Variants in BCL2 observed in about 807,000 individuals in gnomAD.
BCL2 encodes BCL2 apoptosis regulator.
A neutral mutation model predicts 14.2 loss-of-function variants in BCL2; 1 was observed. That is an observed-to-expected ratio of 0.07 (90% CI 0.02 to 0.33). The LOEUF (loss-of-function observed/expected upper bound fraction) is 0.33. BCL2 is among the 10% of genes least tolerant of loss of function. BCL2 has a pLI of 0.99. For synonymous variants in BCL2, 151 were observed against 137.2 expected, an observed-to-expected ratio of 1.10 and a Z score of -0.70; for missense variants, 247 against 305.9, an observed-to-expected ratio of 0.81 and a Z score of 1.44.
chr18:63,187,964 G>C (rs1391742604), intron 2 of BCL2, among the ~76,000 whole-genome samples: 1 of 152,140 alleles, frequency 6.6e-6, no homozygotes, highest in Non-Finnish European at 1.5e-5. Flanking sequence ...TGCTCCATTT[G>C]GCCCCTGCTC....
At chr18:63,238,656 T>G (rs957415685) in intron 2 of BCL2, among the ~76,000 whole-genome samples, 6 of 152,216 alleles carry the variant, frequency 3.9e-5, no homozygotes, top group African/African-American at 1.4e-4. Context: ...TGGTGGGGCC[T>G]GAAGGAGTGT....
Position 63,187,798 on chromosome 18 carries a change from T to C in BCL2, c.586-59039A>G, listed in dbSNP as rs78662691. On this transcript the variant is annotated intron_variant, in intron 2 of 2. Transcript: ENST00000333681. ...AAAACCAGGCCAGGCTTAGAATTAG[T>C]TCGACTAATACAGATTACGTTACTT... is the stretch of plus-strand genomic sequence containing the variant. Among the ~76,000 whole-genome samples, 287 of 152,350 alleles carry C rather than the reference T, an allele frequency of 1.9e-3. 8 individuals are homozygous for C. In the East Asian group the frequency reaches 0.051, roughly 27 times the overall value.
intron 2 of BCL2, among the ~76,000 whole-genome samples, chr18:63,279,413 T>A (rs1912246858): frequency 6.6e-6 from 1 of 152,174 alleles, no homozygotes; most frequent in African/African-American, 2.4e-5. Context: ...AAAATAAGCA[T>A]ATGAAAAGAT....
chr18:63,296,064 C>G (rs910706707), intron 2 of BCL2, among the ~76,000 whole-genome samples: 4 of 152,170 alleles, frequency 2.6e-5, no homozygotes, highest in Non-Finnish European at 5.9e-5. Context: ...GCTTTGATTA[C>G]TGTGTTTTAT....
At chr18:63,202,722 G>C (rs937714750) in intron 2 of BCL2, among the ~76,000 whole-genome samples, 2 of 152,122 alleles carry the variant, frequency 1.3e-5, no homozygotes, top group African/African-American at 4.8e-5. Flanking sequence ...GATGTTTAGA[G>C]GTTCTTAGAC....
intron 2 of BCL2, among the ~76,000 whole-genome samples, chr18:63,262,117 A>T (rs183340381): frequency 1.3e-5 from 2 of 152,088 alleles, no homozygotes; most frequent in Non-Finnish European, 2.9e-5. Context: ...GGGTTTCACC[A>T]TGTTGTCCAG....
chr18:63,172,769 A>G (rs1256844448), intron 2 of BCL2, among the ~76,000 whole-genome samples: 1 of 152,230 alleles, frequency 6.6e-6, no homozygotes, highest in Admixed American at 6.5e-5. Flanking sequence ...CGACAGAGGA[A>G]GACTGTGTCT....
At chr18:63,302,247 G>A (rs1185610891) in intron 2 of BCL2, 13 of 753,078 alleles carry the variant, frequency 1.7e-5, no homozygotes, top group Non-Finnish European at 1.9e-5. Flanking sequence ...GTTGCAGTGA[G>A]CCGGGACTGC....
At chr18:63,197,108 A>G (rs1287777682) in intron 2 of BCL2, among the ~76,000 whole-genome samples, 2 of 152,250 alleles carry the variant, frequency 1.3e-5, no homozygotes, top group East Asian at 3.8e-4. Context: ...TTTTCCCGAA[A>G]TAGGTAAGAA....
At chr18:63,188,990 T>C (rs955904166) in intron 2 of BCL2, among the ~76,000 whole-genome samples, 3 of 102,016 alleles carry the variant, frequency 2.9e-5, no homozygotes, top group African/African-American at 8.4e-5. Context: ...CATTTCTTTT[T>C]TTCCCCAAGT....
chr18:63,236,045 A>G (rs1382433378), intron 2 of BCL2, among the ~76,000 whole-genome samples: 1 of 152,078 alleles, frequency 6.6e-6, no homozygotes, highest in African/African-American at 2.4e-5. Context: ...AGGCAACTGA[A>G]TCATGGAGGT....
At chr18:63,222,255 CTAAG>C (rs1188812693) in intron 2 of BCL2, among the ~76,000 whole-genome samples, 2 of 128,094 alleles carry the variant, frequency 1.6e-5, no homozygotes, top group Non-Finnish European at 1.6e-5. Flanking sequence ...GCCTGGGCAA[CTAAG>C]TGAGACTCCA....
At chr18:63,258,631 G>A (rs1278895671) in intron 2 of BCL2, among the ~76,000 whole-genome samples, 2 of 152,198 alleles carry the variant, frequency 1.3e-5, no homozygotes, top group South Asian at 4.1e-4. Flanking sequence ...TCCTCCACTT[G>A]TTCTCTGGCG....
intron 2 of BCL2, among the ~76,000 whole-genome samples, chr18:63,278,606 G>A (rs931142858): frequency 6.6e-6 from 1 of 152,080 alleles, no homozygotes; most frequent in Admixed American, 6.5e-5. Flanking sequence ...ACCCCACCCT[G>A]CTGCTTGACT....
intron 2 of BCL2, among the ~76,000 whole-genome samples, chr18:63,303,916 A>C (rs1195102329): frequency 6.6e-6 from 1 of 152,188 alleles, no homozygotes; most frequent in East Asian, 1.9e-4. Context: ...TTAAGTTCAT[A>C]TTGTTCATGG....
At chr18:63,206,964 A>G (rs911074687) in intron 2 of BCL2, among the ~76,000 whole-genome samples, 1 of 152,116 alleles carries the variant, frequency 6.6e-6, no homozygotes, top group African/African-American at 2.4e-5. Flanking sequence ...GGGTCTGGGG[A>G]GAAGGGAAGC....
At position 63,278,731 on chromosome 18, in the gene BCL2, T is replaced by C. The variant is rs574489301; in HGVS notation, c.585+39351A>G. Among the ~76,000 whole-genome samples, 4 of 152,302 alleles carry C rather than the reference T, an allele frequency of 2.6e-5. No individual in the cohort carries two copies. In the South Asian group the frequency reaches 6.2e-4, roughly 24 times the overall value. Reference sequence around the variant, plus strand: ...CTATCACAATGTTCCCCTCCTTGAATAAAGTCTTCTCTGCCATTTTTAACA... The same window carrying C: ...CTATCACAATGTTCCCCTCCTTGAACAAAGTCTTCTCTGCCATTTTTAACA... On this transcript the variant is annotated intron_variant, in intron 2 of 2. Coordinates refer to ENST00000333681, the MANE Select transcript of BCL2 (RefSeq NM_000633.3).
At chr18:63,201,114 C>T (rs1233729917) in intron 2 of BCL2, among the ~76,000 whole-genome samples, 3 of 152,206 alleles carry the variant, frequency 2.0e-5, no homozygotes, top group African/African-American at 7.2e-5. Flanking sequence ...GATTTCTGCT[C>T]CTGCTGCTAC....
chr18:63,313,810 G>T (rs2051424), intron 2 of BCL2: 67,919 of 151,952 alleles, frequency 0.45, 16,789 homozygotes, highest in Admixed American at 0.57. Flanking sequence ...AATTTTGCTT[G>T]CCTTTTTTTT....
Sources: gnomAD v4.1 joint callset for allele counts (sites outside exome capture counted in the v4.1 genomes callset) on GRCh38, gnomAD v4.1.1 for gene constraint, MANE v1.5 for transcripts, NCBI Gene and HGNC (gene_info 2026-07-23, HGNC 2026-07-21) for gene names.